Variants in NRG2 observed in about 807,000 individuals in gnomAD.
NRG2 encodes neuregulin 2.
NRG2 carries 27 observed loss-of-function variants against 73.9 expected under a neutral mutation model. That is an observed-to-expected ratio of 0.37 (90% CI 0.27 to 0.50). The LOEUF is 0.50. Ranked by LOEUF, NRG2 falls within the 20% of genes least tolerant of loss-of-function variation. The probability of loss-of-function intolerance (pLI) is 0.96; values close to 1 mark genes in which losing one functional copy is unlikely to be tolerated. For missense variants in NRG2, 1,126 were observed against 1,210.1 expected (o/e 0.93, Z 1.03); for synonymous variants, 532 against 541.0 (o/e 0.98, Z 0.23).
At chr5:139,950,220 A>T (rs1434257425) in intron 1 of NRG2, among the ~76,000 whole-genome samples, 2 of 152,156 alleles carry the variant, frequency 1.3e-5, no homozygotes, top group African/African-American at 4.8e-5. Context: ...CAAACTCCCA[A>T]TGCCAGGGAC....
At chr5:139,932,803 A>C (rs1752571901) in intron 1 of NRG2, among the ~76,000 whole-genome samples, 1 of 152,184 alleles carries the variant, frequency 6.6e-6, no homozygotes, top group South Asian at 2.1e-4. Flanking sequence ...ATCTCCTAGA[A>C]GTGTCAAGAA....
At chr5:139,953,944 C>T (rs563771667) in intron 1 of NRG2, among the ~76,000 whole-genome samples, 1 of 152,226 alleles carries the variant, frequency 6.6e-6, no homozygotes, top group East Asian at 1.9e-4. Context: ...CCTCATGAAA[C>T]CCCTCCCCCA....
intron 9 of NRG2, among the ~76,000 whole-genome samples, chr5:139,850,405 G>A (rs886199161): frequency 2.6e-5 from 4 of 152,206 alleles, no homozygotes; most frequent in Non-Finnish European, 4.4e-5. Flanking sequence ...GCCCTGGTGT[G>A]GTGTCATGTT....
At chr5:139,953,435 A>C (rs1754379034) in intron 1 of NRG2, among the ~76,000 whole-genome samples, 1 of 152,106 alleles carries the variant, frequency 6.6e-6, no homozygotes, top group Non-Finnish European at 1.5e-5. Context: ...TAGAATATCT[A>C]TCTACGCCTC....
At chr5:139,952,383 G>A (rs2126468965) in intron 1 of NRG2, among the ~76,000 whole-genome samples, 1 of 152,310 alleles carries the variant, frequency 6.6e-6, no homozygotes, top group South Asian at 2.1e-4. Flanking sequence ...AGGCAAGGGT[G>A]GGAAACAGGT....
intron 1 of NRG2, among the ~76,000 whole-genome samples, chr5:139,999,492 A>G (rs1438823776): frequency 1.3e-5 from 2 of 152,340 alleles, no homozygotes; most frequent in East Asian, 3.9e-4. Context: ...TATTCAACTC[A>G]GTGGCAAACC....
intron 2 of NRG2, among the ~76,000 whole-genome samples, chr5:139,886,166 T>C (rs1425855208): frequency 6.6e-6 from 1 of 152,218 alleles, no homozygotes; most frequent in African/African-American, 2.4e-5. Flanking sequence ...TTACATTCTG[T>C]TTTCTGCCAG....
At chr5:139,950,723 A>T (rs1314712710) in intron 1 of NRG2, among the ~76,000 whole-genome samples, 2 of 152,226 alleles carry the variant, frequency 1.3e-5, no homozygotes, top group Non-Finnish European at 2.9e-5. Context: ...CCACATATTG[A>T]GCCTTCTAGT....
chr5:139,861,438 G>A (rs57748844), intron 5 of NRG2, among the ~76,000 whole-genome samples: 1,996 of 152,336 alleles, frequency 0.013, 35 homozygotes, highest in African/African-American at 0.046. Context: ...CGGGAGAGCA[G>A]CATGGCTCCG....
chr5:139,968,356 G>A (rs1249355729), intron 1 of NRG2, among the ~76,000 whole-genome samples: 1 of 152,254 alleles, frequency 6.6e-6, no homozygotes, highest in Non-Finnish European at 1.5e-5. Context: ...GGGCGCAGAA[G>A]GCCAGAACCC....
At chr5:139,908,321 G>A (rs1297181582) in intron 1 of NRG2, among the ~76,000 whole-genome samples, 1 of 152,218 alleles carries the variant, frequency 6.6e-6, no homozygotes, top group Admixed American at 6.5e-5. Context: ...GGAGAAGATA[G>A]TGGAGACGAG....
intron 1 of NRG2, among the ~76,000 whole-genome samples, chr5:139,935,823 G>T (rs1477753317): frequency 6.6e-6 from 1 of 151,990 alleles, no homozygotes; most frequent in East Asian, 1.9e-4. Context: ...AGCCAGCGTG[G>T]TGGTGCACAC....
At chr5:139,917,542 G>A (rs1751349996) in intron 1 of NRG2, among the ~76,000 whole-genome samples, 1 of 152,110 alleles carries the variant, frequency 6.6e-6, no homozygotes, top group Non-Finnish European at 1.5e-5. Context: ...GTAAGCCACT[G>A]TCCCCAGCCT....
At chr5:139,936,257 C>G (rs1253574264) in intron 1 of NRG2, among the ~76,000 whole-genome samples, 1 of 151,896 alleles carries the variant, frequency 6.6e-6, no homozygotes, top group Non-Finnish European at 1.5e-5. Flanking sequence ...CATAAAATTG[C>G]TAAACCTCTA....
intron 6 of NRG2, among the ~76,000 whole-genome samples, chr5:139,854,160 C>A (rs2127007589): frequency 6.6e-6 from 1 of 152,362 alleles, no homozygotes; most frequent in Admixed American, 6.5e-5. Context: ...CTCTGCCCAC[C>A]CAGCACCCCA....
At chr5:140,022,349 C>T (rs182095722) in intron 1 of NRG2, among the ~76,000 whole-genome samples, 10 of 152,322 alleles carry the variant, frequency 6.6e-5, no homozygotes, top group Admixed American at 2.0e-4. Flanking sequence ...TGTCCTCCCT[C>T]TCTCCTTCCT....
intron 1 of NRG2, among the ~76,000 whole-genome samples, chr5:139,929,510 G>T (rs1752303381): frequency 6.6e-6 from 1 of 152,050 alleles, no homozygotes; most frequent in Non-Finnish European, 1.5e-5. Context: ...TATAATTCCT[G>T]CTTCCTAGGG....
chr5:139,953,311 G>A (rs896599989), intron 1 of NRG2, among the ~76,000 whole-genome samples: 4 of 152,152 alleles, frequency 2.6e-5, no homozygotes, highest in African/African-American at 9.7e-5. Flanking sequence ...GGGGAAGGGG[G>A]TCCTGAGTCT....
At chr5:139,864,932 A>C in intron 5 of NRG2, 1 of 679,076 alleles carries the variant, frequency 1.5e-6, no homozygotes, top group Non-Finnish European at 2.7e-6. Context: ...ACTTGGCATT[A>C]CTGTGCCCAG....
Sources: gnomAD v4.1 joint callset for allele counts (sites outside exome capture counted in the v4.1 genomes callset) on GRCh38, gnomAD v4.1.1 for gene constraint, MANE v1.5 for transcripts, NCBI Gene and HGNC (gene_info 2026-07-23, HGNC 2026-07-21) for gene names.